BCR: variants seen among roughly 807,000 people sequenced by gnomAD.
The protein encoded by BCR is BCR activator of RhoGEF and GTPase.
A neutral mutation model predicts 138.6 loss-of-function variants in BCR; 58 were observed. The observed-to-expected ratio is 0.42, with a 90% CI of 0.34 to 0.52. The LOEUF (loss-of-function observed/expected upper bound fraction) is 0.52, where lower values mean the gene tolerates loss of function less well. Among genes scored for constraint, BCR ranks in the 20% least tolerant of loss-of-function variants. The pLI is 0.06. For synonymous variants in BCR, 786 were observed against 730.1 expected, an observed-to-expected ratio of 1.08 and a Z score of -1.23; for missense variants, 1,599 against 1,727.2, an observed-to-expected ratio of 0.93 and a Z score of 1.32.
At chr22:23,273,948 CAG>C (rs1046350909) in intron 8 of BCR, among the ~76,000 whole-genome samples, 174 bp downstream of exon 8, 9 of 152,224 alleles carry the variant, frequency 5.9e-5, no homozygotes, top group South Asian at 4.1e-4. Context: ...GGTGCAGTCT[CAG>C]GGGTGACCCT....
At chr22:23,213,082 C>T (rs1422399781) in intron 1 of BCR, among the ~76,000 whole-genome samples, 2 of 152,210 alleles carry the variant, frequency 1.3e-5, no homozygotes, top group Non-Finnish European at 2.9e-5. Flanking sequence ...CAAGAACCTC[C>T]CTTGTCTAGT....
At chr22:23,200,594 G>T in intron 1 of BCR, among the ~76,000 whole-genome samples, 1 of 152,024 alleles carries the variant, frequency 6.6e-6, no homozygotes, top group East Asian at 1.9e-4. Context: ...GTCTCACTCT[G>T]TCGCCCAGGC....
At position 23,255,211 on chromosome 22, in the gene BCR, G is replaced by T. The variant is rs571072727; in HGVS notation, c.1461+1231G>T. ...ACTTTTGTGATTTCTGAAGGCCTTG[G>T]TGCTGGGCAGGCTTCTCATTCTGAA... On this transcript the variant is annotated intron_variant, in intron 2 of 22. Coordinates refer to ENST00000305877, the MANE Select transcript of BCR (RefSeq NM_004327.4). Among the ~76,000 whole-genome samples the T allele has an allele frequency of 2.0e-5, 3 of 152,226 alleles. No homozygotes were observed. The East Asian group carries it at 5.8e-4, about 29-fold the overall frequency.
At chr22:23,198,851 A>G (rs1266083099) in intron 1 of BCR, among the ~76,000 whole-genome samples, 3 of 152,052 alleles carry the variant, frequency 2.0e-5, no homozygotes, top group Admixed American at 2.0e-4. Flanking sequence ...TGGGCACAGT[A>G]GGTCACACCT....
In BCR at chr22:23,289,631, C is replaced by T; in HGVS notation, c.2707+10C>T. On this transcript the variant is annotated intron_variant, in intron 13 of 22. Transcript: ENST00000305877. ...ACCATCAATAAGGAAGGTGGGCCCC[C>T]CCGTTTCCGTGTACAGGGCACCTGC... 1.2e-6 allele frequency: 2 copies of T among 1,610,648 alleles called. No individual in the cohort carries two copies. The highest frequency in any genetic ancestry group is 8.5e-7 in the Non-Finnish European group (1 of 1,176,884).
At chr22:23,189,868 A>G (rs1374977472) in intron 1 of BCR, among the ~76,000 whole-genome samples, 1 of 152,198 alleles carries the variant, frequency 6.6e-6, no homozygotes, top group Non-Finnish European at 1.5e-5. Context: ...TCTCTTCCGG[A>G]AAACACCCGT....
At chr22:23,283,876 A>T in intron 8 of BCR, 101 bp from the exon 9 acceptor site, 1 of 1,404,302 alleles carries the variant, frequency 7.1e-7, no homozygotes, top group Non-Finnish European at 9.4e-7. Context: ...CAGGGAGAGA[A>T]TGTCTCTGGG....
intron 1 of BCR, among the ~76,000 whole-genome samples, chr22:23,182,646 TAGC>T (rs2072286946): frequency 6.6e-6 from 1 of 152,206 alleles, no homozygotes; most frequent in African/African-American, 2.4e-5. Flanking sequence ...CGGATGCTGT[TAGC>T]AGGGACTGAT....
chr22:23,258,007 T>G (rs2073313560), intron 2 of BCR, among the ~76,000 whole-genome samples: 1 of 152,136 alleles, frequency 6.6e-6, no homozygotes, highest in African/African-American at 2.4e-5. Context: ...AGCCGTGGCC[T>G]GGAGGCTCCC....
chr22:23,187,277 ACT>A (rs1491284563), intron 1 of BCR, among the ~76,000 whole-genome samples: 22 of 119,662 alleles, frequency 1.8e-4, no homozygotes, highest in Middle Eastern at 8.9e-3. Flanking sequence ...GGCTTAAAAT[ACT>A]TTTTTTTTTT....
At chr22:23,259,723 G>C (rs1036759920) in intron 2 of BCR, among the ~76,000 whole-genome samples, 7 of 152,086 alleles carry the variant, frequency 4.6e-5, no homozygotes, top group African/African-American at 1.7e-4. Context: ...CACCATGTTG[G>C]CCAAGGCTGG....
At chr22:23,192,325 G>T (rs1007174833) in intron 1 of BCR, among the ~76,000 whole-genome samples, 2 of 152,238 alleles carry the variant, frequency 1.3e-5, no homozygotes, top group Non-Finnish European at 2.9e-5. Flanking sequence ...CTGAGTGGTT[G>T]TGTTAATCAC....
At chr22:23,240,433 C>T (rs879828708) in intron 1 of BCR, among the ~76,000 whole-genome samples, 104 of 151,404 alleles carry the variant, frequency 6.9e-4, no homozygotes, top group Admixed American at 2.9e-3. Flanking sequence ...GGGTGGATCA[C>T]GAGGTCAGGA....
intron 10 of BCR, among the ~76,000 whole-genome samples, chr22:23,285,964 C>G (rs1015366887): frequency 2.0e-5 from 3 of 152,224 alleles, no homozygotes; most frequent in Non-Finnish European, 2.9e-5. Context: ...GGGTTCTCAC[C>G]TCTGGCCACA....
At chr22:23,254,048 CAG>C (rs1156300005) in intron 2 of BCR, 68 bp downstream of exon 2, 37 of 1,501,580 alleles carry the variant, frequency 2.5e-5, no homozygotes, top group South Asian at 1.0e-4. Context: ...GCCCCATGCT[CAG>C]GGGTATGTAG....
intron 1 of BCR, among the ~76,000 whole-genome samples, chr22:23,210,125 A>G (rs892487410): frequency 1.3e-5 from 2 of 152,306 alleles, no homozygotes; most frequent in African/African-American, 2.4e-5. Context: ...TTCTTTTTCA[A>G]ACATCTTAAA....
intron 1 of BCR, among the ~76,000 whole-genome samples, chr22:23,205,982 C>T (rs888486237): frequency 2.6e-5 from 4 of 152,162 alleles, no homozygotes; most frequent in Non-Finnish European, 5.9e-5. Context: ...CTCAGGAGCT[C>T]ACAGGAGCTT....
At chr22:23,231,278 C>T (rs1447635132) in intron 1 of BCR, among the ~76,000 whole-genome samples, 1 of 151,952 alleles carries the variant, frequency 6.6e-6, no homozygotes, top group Non-Finnish European at 1.5e-5. Context: ...GAGGCCAAGG[C>T]GGGAAGATCA....
chr22:23,288,385 C>G (rs545276904), intron 12 of BCR, among the ~76,000 whole-genome samples: 1 of 152,004 alleles, frequency 6.6e-6, no homozygotes, highest in African/African-American at 2.4e-5. Context: ...GCCCCCATCA[C>G]CTGGGCACTC....
Sources: gnomAD v4.1 joint callset for allele counts (sites outside exome capture counted in the v4.1 genomes callset) on GRCh38, gnomAD v4.1.1 for gene constraint, MANE v1.5 for transcripts, NCBI Gene and HGNC (gene_info 2026-07-23, HGNC 2026-07-21) for gene names.